USP25: variants seen among roughly 807,000 people sequenced by gnomAD.
USP25 encodes ubiquitin carboxyl-terminal hydrolase 25.
USP25 carries 85 observed loss-of-function variants against 158.5 expected under a neutral mutation model. That is an observed-to-expected ratio of 0.54 (90% CI 0.45 to 0.64). USP25 has a LOEUF of 0.64. Ranked by LOEUF, USP25 falls within the 30% of genes least tolerant of loss-of-function variation. The pLI, the probability that USP25 is intolerant of heterozygous loss-of-function variation, is 0.00. For missense variants in USP25, 1,242 were observed against 1,327.3 expected (o/e 0.94, Z 1.00); for synonymous variants, 464 against 460.4 (o/e 1.01, Z -0.10).
In USP25 at chr21:15,833,512, C is replaced by A; in HGVS notation, c.2158C>A (p.Gln720Lys). 6.2e-7 allele frequency: 1 copy of A among 1,613,948 alleles called. No individual in the cohort carries two copies. Among genetic ancestry groups the A allele is most frequent in the Non-Finnish European group, 8.5e-7 (1 of 1,179,960 alleles). The change falls in exon 17 of 26, where the codon CAG becomes AAG. Residue 720 changes from glutamine (Q) to lysine (K), a missense_variant. Coordinates refer to ENST00000400183, the MANE Select transcript of USP25 (RefSeq NM_001283041.3). ...KALQEKLLAS[Q>K]KLRESETSVT... ...TTTGCAGGAAAAGCTTTTAGCGTCTCAGAAATTGAGAGAGTCAGAGACTTC... is the reference window on the plus strand; with the variant it reads ...TTTGCAGGAAAAGCTTTTAGCGTCTAAGAAATTGAGAGAGTCAGAGACTTC...
chr21:15,857,976 A>T (rs1296025823), intron 20 of USP25, among the ~76,000 whole-genome samples: 1 of 148,448 alleles, frequency 6.7e-6, no homozygotes, highest in Non-Finnish European at 1.5e-5. Context: ...CTTATCAGGG[A>T]TTTATACTTA....
chr21:15,866,570 T>G (rs1256637573), intron 22 of USP25, among the ~76,000 whole-genome samples: 1 of 152,062 alleles, frequency 6.6e-6, no homozygotes, highest in African/African-American at 2.4e-5. Context: ...AAAGGAAGAT[T>G]TTTGGTTTTT....
At position 15,833,642 on chromosome 21, in the gene USP25, G is replaced by A. The variant is rs533528660; in HGVS notation, c.2194+94G>A. 15 of 1,117,478 alleles carry A rather than the reference G, an allele frequency of 1.3e-5. No homozygotes were observed. In the Admixed American group the frequency reaches 3.2e-4, roughly 24 times the overall value. The allele number at this position is 1,117,478 out of a possible 1,614,324, so 69.2% of individuals were successfully genotyped here. ...TAAAAAGTTTTAGCTATCTTAAAGTGTGAGGAAATCAGTAGAAATCATTTC... is the reference window on the plus strand; with the variant it reads ...TAAAAAGTTTTAGCTATCTTAAAGTATGAGGAAATCAGTAGAAATCATTTC... On this transcript the variant is annotated intron_variant, in intron 17 of 25. Transcript: ENST00000400183.
intron 20 of USP25, among the ~76,000 whole-genome samples, chr21:15,861,107 C>T (rs528214649): frequency 2.6e-5 from 4 of 151,864 alleles, no homozygotes; most frequent in Non-Finnish European, 5.9e-5. Context: ...ATCTTTAGAA[C>T]TGAACAAGGT....
intron 3 of USP25, among the ~76,000 whole-genome samples, chr21:15,776,952 C>T (rs916162640): frequency 1.3e-5 from 2 of 152,134 alleles, no homozygotes; most frequent in African/African-American, 4.8e-5. Flanking sequence ...GTTTCTCTTT[C>T]TGATCATATT....
intron 1 of USP25, among the ~76,000 whole-genome samples, chr21:15,760,581 T>G (rs141929249): frequency 2.4e-3 from 360 of 152,374 alleles, no homozygotes; most frequent in African/African-American, 8.2e-3. Flanking sequence ...GTAATTTGTT[T>G]AGGACTTTTT....
chr21:15,859,616 CA>C (rs1827288984), intron 20 of USP25, among the ~76,000 whole-genome samples: 1 of 152,088 alleles, frequency 6.6e-6, no homozygotes, highest in Middle Eastern at 3.2e-3. Context: ...TTCGTGTTAC[CA>C]GATTTCTAGG....
At position 15,837,432 on chromosome 21, in the gene USP25, GTT is replaced by G. The variant is rs556652454; in HGVS notation, c.2194+3892_2194+3893del. Among the ~76,000 whole-genome samples, 11 of 151,450 alleles carry G rather than the reference GTT, an allele frequency of 7.3e-5. No individual in the cohort carries two copies. In the South Asian group the frequency reaches 1.5e-3, roughly 20 times the overall value. On this transcript the variant is annotated intron_variant, in intron 17 of 25. Coordinates refer to ENST00000400183, the MANE Select transcript of USP25 (RefSeq NM_001283041.3). ...CAGTGTGGGGATCAGAGTGAGTAGG[GTT>G]TTTTTTTCTGAGTGTGAACAGCACA...
At position 15,831,556 on chromosome 21, in the gene USP25, T is replaced by C. The variant is rs779100793; in HGVS notation, c.1920T>C (p.Ser640=). 1 of 1,614,060 alleles carries C rather than the reference T, an allele frequency of 6.2e-7. No homozygotes were observed. Residue 640 remains serine, a synonymous_variant, in exon 16 of 26, where the codon TCT becomes TCC. Transcript: ENST00000400183. ...KSSWEELVRD[S]FGGYRNASAY... is the part of the protein sequence containing the mutation. ...CATGGGAAGAGCTAGTGAGGGACTC[T>C]TTTGGTGGTTATAGAAATGCCAGTG...
chr21:15,762,800 T>G lies in USP25; in HGVS notation c.46-91T>G. ...AGTTTACTTTATTCTGTTTTTTGTT[T>G]GTTTTGGAAAACCAAAGGTGATTTG... On this transcript the variant is annotated intron_variant, in intron 1 of 25. Coordinates refer to ENST00000400183, the MANE Select transcript of USP25 (RefSeq NM_001283041.3). 9.1e-6 allele frequency: 11 copies of G among 1,203,570 alleles called. No homozygotes were observed. The South Asian group carries it at 1.8e-4, about 19-fold the overall frequency. 74.6% of individuals were successfully genotyped at this position (1,203,570 alleles called of 1,614,324 possible).
rs754328052 is a variant in USP25 at position 15,870,139 on chromosome 21, A to G, written c.2877A>G (p.Gln959=). The G allele has an allele frequency of 6.2e-7, 1 of 1,608,342 alleles. No homozygotes were observed. The highest frequency in any genetic ancestry group is 8.5e-7 in the Non-Finnish European group (1 of 1,177,218). Residue 959 remains glutamine, a synonymous_variant, in exon 23 of 26, where the codon CAA becomes CAG. Coordinates refer to ENST00000400183, the MANE Select transcript of USP25 (RefSeq NM_001283041.3). ...MYLIIGLENF[Q]RESYIDSLLF... ...TCATAATTGGGCTAGAAAATTTTCAAAGAGAAAGGTAAGGCAAAGTGGACA... is the reference window on the plus strand; with the variant it reads ...TCATAATTGGGCTAGAAAATTTTCAGAGAGAAAGGTAAGGCAAAGTGGACA...
chr21:15,793,426 C>A (rs1376292008), intron 5 of USP25, among the ~76,000 whole-genome samples: 1 of 99,498 alleles, frequency 1.0e-5, no homozygotes, highest in South Asian at 2.7e-4. Flanking sequence ...CTAATCTTAG[C>A]TTTTCTAGCT....
chr21:15,827,765 C>T (rs76142400), intron 14 of USP25, among the ~76,000 whole-genome samples: 10,919 of 136,926 alleles, frequency 0.08, 518 homozygotes, highest in East Asian at 0.1. Flanking sequence ...TGTGCGTGTG[C>T]GTGTGTGTGT....
intron 9 of USP25, among the ~76,000 whole-genome samples, chr21:15,812,862 T>C (rs2146302031): frequency 6.6e-6 from 1 of 152,246 alleles, no homozygotes; most frequent in East Asian, 1.9e-4. Context: ...AAACCAATGG[T>C]TCTTCATTAG....
At position 15,835,702 on chromosome 21, in the gene USP25, A is replaced by G. The variant is rs960425858; in HGVS notation, c.2194+2154A>G. On this transcript the variant is annotated intron_variant, in intron 17 of 25. Coordinates refer to ENST00000400183, the MANE Select transcript of USP25 (RefSeq NM_001283041.3). ...TAGATAACTTTTATAGTTACCTTTC[A>G]GCGTGGGTTATTTAGAAAGCAGTGG... Among the ~76,000 whole-genome samples, 4 of 152,182 alleles carry G rather than the reference A, an allele frequency of 2.6e-5. No homozygotes were observed. In the East Asian group the frequency reaches 7.7e-4, roughly 29 times the overall value.
rs571681790 is a variant in USP25 at position 15,843,553 on chromosome 21, T to C, written c.2337+1013T>C. Among the ~76,000 whole-genome samples the C allele has an allele frequency of 1.3e-5, 2 of 152,350 alleles. No individual in the cohort carries two copies. The highest frequency in any genetic ancestry group is 3.9e-4 in the East Asian group (2 of 5,190). ...GAACAATTTTGAAAATGTATTAATA[T>C]ATCATCTTATTAAAATGTATTAATT... is the stretch of plus-strand genomic sequence containing the variant. On this transcript the variant is annotated intron_variant, in intron 18 of 25. Coordinates refer to ENST00000400183, the MANE Select transcript of USP25 (RefSeq NM_001283041.3). This position sits in a 1 kb window ranked among gnomAD's most constrained non-coding sequence, Gnocchi z 4.0.
At chr21:15,740,641 G>GTTTTTTTTTTTTTT (rs60616271) in intron 1 of USP25, among the ~76,000 whole-genome samples, 14 of 41,302 alleles carry the variant, frequency 3.4e-4, no homozygotes, top group East Asian at 1.4e-3. Flanking sequence ...CTTTCTGGCT[G>GTTTTTTTTTTTTTT]TTTTTTTTTT....
intron 10 of USP25, among the ~76,000 whole-genome samples, chr21:15,822,111 T>A (rs565320775): frequency 6.6e-6 from 1 of 152,010 alleles, no homozygotes; most frequent in Admixed American, 6.5e-5. Context: ...GTAGATATAG[T>A]TTTTTGTTGA....
intron 14 of USP25, among the ~76,000 whole-genome samples, chr21:15,829,230 G>A (rs1476107108): frequency 2.6e-5 from 4 of 151,936 alleles, no homozygotes; most frequent in Non-Finnish European, 4.4e-5. Context: ...CATGTCTTGG[G>A]GGTTTGGTGT....
Sources: gnomAD v4.1 joint callset for allele counts (sites outside exome capture counted in the v4.1 genomes callset) on GRCh38, gnomAD v4.1.1 for gene constraint, Gnocchi (gnomAD v3.1) non-coding constraint, MANE v1.5 for transcripts, NCBI Gene and HGNC (gene_info 2026-07-23, HGNC 2026-07-21) for gene names.